The following DLG2 variants were observed in gnomAD, a reference collection of about 807,000 sequenced individuals.
DLG2 encodes the protein disks large homolog 2.
In DLG2, 45 loss-of-function variants were observed where a neutral mutation model predicts 132.5. The ratio of observed to expected loss-of-function variants is 0.34; its 90% CI spans 0.27 to 0.44. The LOEUF is 0.44. Ranked by LOEUF, DLG2 falls within the 20% of genes least tolerant of loss-of-function variation. The pLI, the probability that DLG2 is intolerant of heterozygous loss-of-function variation, is 1.00. For synonymous variants in DLG2, 424 were observed against 419.6 expected (o/e 1.01, Z -0.13); for missense variants, 1,045 against 1,196.9 (o/e 0.87, Z 1.87).
At chr11:84,505,775 A>AT (rs1194772427) in intron 7 of DLG2, among the ~76,000 whole-genome samples, 1 of 152,234 alleles carries the variant, frequency 6.6e-6, no homozygotes, top group Non-Finnish European at 1.5e-5. Context: ...TATCAAGGAC[A>AT]TATGGGGAAC....
At chr11:83,709,305 G>A (rs1046961236) in intron 18 of DLG2, among the ~76,000 whole-genome samples, 12 of 146,234 alleles carry the variant, frequency 8.2e-5, no homozygotes, top group South Asian at 6.4e-4. Flanking sequence ...ATACATATAC[G>A]TATATATGTA....
intron 11 of DLG2, among the ~76,000 whole-genome samples, chr11:84,049,344 T>C (rs1317758343): frequency 6.6e-6 from 1 of 151,802 alleles, no homozygotes; most frequent in African/African-American, 2.4e-5. Context: ...TTAAGTGGAC[T>C]GGTAAGCAAT....
At chr11:84,367,116 C>T in intron 7 of DLG2, among the ~76,000 whole-genome samples, 1 of 152,118 alleles carries the variant, frequency 6.6e-6, no homozygotes, top group African/African-American at 2.4e-5. Flanking sequence ...CAAACTATCT[C>T]TCAGACCACA....
intron 4 of DLG2, among the ~76,000 whole-genome samples, chr11:85,198,720 T>C (rs913317543): frequency 5.1e-4 from 77 of 152,182 alleles, no homozygotes; most frequent in African/African-American, 1.7e-3. Context: ...ACTCATTATT[T>C]TGGCATTTCT....
intron 6 of DLG2, among the ~76,000 whole-genome samples, chr11:85,066,417 G>A (rs2064927923): frequency 6.6e-6 from 1 of 151,456 alleles, no homozygotes; most frequent in Non-Finnish European, 1.5e-5. Context: ...AAAATCAAGG[G>A]GGAGAGAATC....
chr11:85,101,717 G>T (rs183140207), intron 6 of DLG2, among the ~76,000 whole-genome samples: 1 of 152,098 alleles, frequency 6.6e-6, no homozygotes, highest in African/African-American at 2.4e-5. Flanking sequence ...AAAAAATAAT[G>T]CTGTAGCACA....
At chr11:85,527,577 T>C (rs2074876851) in intron 3 of DLG2, among the ~76,000 whole-genome samples, 1 of 152,208 alleles carries the variant, frequency 6.6e-6, no homozygotes, top group East Asian at 1.9e-4. Context: ...GTGCCACATT[T>C]TCTTTATCCA....
At chr11:83,587,803 G>C (rs1368559949) in intron 19 of DLG2, among the ~76,000 whole-genome samples, 2 of 152,208 alleles carry the variant, frequency 1.3e-5, no homozygotes, top group South Asian at 4.1e-4. Flanking sequence ...GCGAGCCGAA[G>C]CAGGGCGAGG....
intron 6 of DLG2, among the ~76,000 whole-genome samples, chr11:85,042,557 CAG>C (rs2061968855): frequency 6.6e-6 from 1 of 151,902 alleles, no homozygotes; most frequent in African/African-American, 2.4e-5. Flanking sequence ...CCTAGTCTAA[CAG>C]AGTGGAAGTT....
At chr11:85,540,374 C>CA (rs1358854836) in intron 3 of DLG2, among the ~76,000 whole-genome samples, 3 of 152,120 alleles carry the variant, frequency 2.0e-5, no homozygotes, top group Non-Finnish European at 4.4e-5. Context: ...TGACAGACAC[C>CA]AGCAGATGCT....
chr11:85,302,870 A>G (rs1341408047), intron 3 of DLG2, among the ~76,000 whole-genome samples: 1 of 152,206 alleles, frequency 6.6e-6, no homozygotes, highest in Non-Finnish European at 1.5e-5. Flanking sequence ...TATATTCCAG[A>G]CATGATAAAA....
chr11:85,575,815 T>C (rs969011421), intron 3 of DLG2, among the ~76,000 whole-genome samples: 2 of 152,200 alleles, frequency 1.3e-5, no homozygotes, highest in Non-Finnish European at 2.9e-5. Flanking sequence ...TTTTTCTCCA[T>C]ACTATACATT....
At chr11:83,643,297 G>C (rs2067136463) in intron 18 of DLG2, among the ~76,000 whole-genome samples, 1 of 152,186 alleles carries the variant, frequency 6.6e-6, no homozygotes, top group Non-Finnish European at 1.5e-5. Flanking sequence ...GAGAGTAAAT[G>C]TGAAACTCTG....
intron 16 of DLG2, among the ~76,000 whole-genome samples, chr11:83,858,131 T>C (rs2060846963): frequency 1.3e-5 from 2 of 152,176 alleles, no homozygotes; most frequent in African/African-American, 4.8e-5. Context: ...ACCCCAAATA[T>C]GCAACGTGTC....
chr11:84,826,684 T>C (rs1377631633), intron 6 of DLG2, among the ~76,000 whole-genome samples: 1 of 151,842 alleles, frequency 6.6e-6, no homozygotes, highest in African/African-American at 2.4e-5. Flanking sequence ...GTGCCTCACA[T>C]GGTAGAGAAC....
At chr11:84,259,730 A>G (rs1326319461) in intron 7 of DLG2, among the ~76,000 whole-genome samples, 2 of 152,168 alleles carry the variant, frequency 1.3e-5, no homozygotes, top group Admixed American at 6.5e-5. Flanking sequence ...CTTGAAATCA[A>G]TTTGACTCTG....
intron 18 of DLG2, among the ~76,000 whole-genome samples, chr11:83,705,717 ATTAT>A (rs948097098): frequency 1.3e-5 from 2 of 152,176 alleles, no homozygotes; most frequent in African/African-American, 4.8e-5. Flanking sequence ...ACTTAATTCC[ATTAT>A]TTTATTTTTT....
chr11:84,141,372 A>G (rs1425710097), intron 9 of DLG2, among the ~76,000 whole-genome samples: 1 of 151,924 alleles, frequency 6.6e-6, no homozygotes, highest in Non-Finnish European at 1.5e-5. Context: ...GTAAATGAAA[A>G]TGTATAGACA....
chr11:84,365,190 T>G (rs918585806), intron 7 of DLG2, among the ~76,000 whole-genome samples: 1 of 152,070 alleles, frequency 6.6e-6, no homozygotes, highest in Non-Finnish European at 1.5e-5. Flanking sequence ...CAATTTCAGA[T>G]CCTTTTATTG....
Sources: gnomAD v4.1 joint callset for allele counts (sites outside exome capture counted in the v4.1 genomes callset) on GRCh38, gnomAD v4.1.1 for gene constraint, MANE v1.5 for transcripts, NCBI Gene and HGNC (gene_info 2026-07-23, HGNC 2026-07-21) for gene names.